Variants in RHOU observed in about 807,000 individuals in gnomAD.
RHOU encodes the protein ras homolog family member U.
In RHOU, 8 loss-of-function variants were observed where a neutral mutation model predicts 12.6. The ratio of observed to expected loss-of-function variants is 0.64; its 90% confidence interval spans 0.37 to 1.15. The LOEUF is 1.15. Among genes scored for constraint, RHOU ranks in the 50% most tolerant of loss-of-function variants. The pLI, the probability that RHOU is intolerant of heterozygous loss-of-function variation, is 0.01. For synonymous variants in RHOU, 161 were observed against 147.4 expected (o/e 1.09, Z -0.67); for missense variants, 258 against 347.0 (o/e 0.74, Z 2.04).
At chr1:228,734,323 G>T (rs1217626573), upstream of RHOU, among the ~76,000 whole-genome samples, 1 of 151,920 alleles carries the variant, frequency 6.6e-6, no homozygotes. Context: ...ATCCATCTCT[G>T]CATTCTGACC....
At chr1:228,726,100 T>C in the RHOU span, among the ~76,000 whole-genome samples, 3 of 152,202 alleles carry the variant, frequency 2.0e-5, no homozygotes, top group Non-Finnish European at 4.4e-5. Flanking sequence ...CCTTATGTTT[T>C]ATTATTTATG....
intron 2 of RHOU, among the ~76,000 whole-genome samples, chr1:228,739,725 A>G (rs1036282947): frequency 2.0e-5 from 3 of 152,236 alleles, no homozygotes; most frequent in African/African-American, 7.2e-5. Context: ...CAGTGCACCT[A>G]CCTGCCCCAG....
chr1:228,728,355 A>G, the RHOU span, among the ~76,000 whole-genome samples: 1 of 152,174 alleles, frequency 6.6e-6, no homozygotes, highest in Non-Finnish European at 1.5e-5. Context: ...ATTGCCATTT[A>G]TCTCTTGTGA....
At chr1:228,736,574 C>T (rs78888744) in intron 1 of RHOU, among the ~76,000 whole-genome samples, 1 of 152,072 alleles carries the variant, frequency 6.6e-6, no homozygotes. Context: ...TTGGATGAAA[C>T]CTGAAGAGTA....
the RHOU span, among the ~76,000 whole-genome samples, chr1:228,688,314 C>T: frequency 7.2e-5 from 11 of 152,154 alleles, no homozygotes; most frequent in Non-Finnish European, 1.5e-5. Context: ...TGAATTTTTT[C>T]TCTGTAGCTG....
chr1:228,707,233 A>ATG, the RHOU span, among the ~76,000 whole-genome samples: 8 of 41,488 alleles, frequency 1.9e-4, no homozygotes, highest in African/African-American at 5.5e-4. Flanking sequence ...ATATATACAT[A>ATG]TGTATATATA....
the RHOU span, among the ~76,000 whole-genome samples, chr1:228,691,241 T>C: frequency 6.6e-6 from 1 of 152,230 alleles, no homozygotes; most frequent in Non-Finnish European, 1.5e-5. Context: ...TCAATAAATC[T>C]ATATTGACAC....
the RHOU span, among the ~76,000 whole-genome samples, chr1:228,664,637 G>C: frequency 1.3e-5 from 2 of 152,048 alleles, no homozygotes; most frequent in African/African-American, 4.8e-5. Context: ...TCATTGCCAA[G>C]ATTGATTGAT....
the RHOU span, among the ~76,000 whole-genome samples, chr1:228,646,925 G>A: frequency 6.6e-6 from 1 of 152,066 alleles, no homozygotes; most frequent in Non-Finnish European, 1.5e-5. Context: ...CCGGAGAGGT[G>A]GAGAGGTAAA....
the RHOU span, among the ~76,000 whole-genome samples, chr1:228,673,989 A>G: frequency 1.2e-4 from 19 of 152,288 alleles, 1 homozygote; most frequent in African/African-American, 4.1e-4. Context: ...GATTGTACCA[A>G]TTTACGCTTC....
chr1:228,647,074 A>G, the RHOU span, among the ~76,000 whole-genome samples: 5 of 152,312 alleles, frequency 3.3e-5, no homozygotes, highest in African/African-American at 1.2e-4. Flanking sequence ...TTTGAGCCTT[A>G]GAGAGGAAGC....
the RHOU span, among the ~76,000 whole-genome samples, chr1:228,694,169 T>G: frequency 1.2e-3 from 186 of 152,356 alleles, 1 homozygote; most frequent in Non-Finnish European, 8.8e-5. Context: ...CTAGGTGACT[T>G]GCACACATTG....
the RHOU span, among the ~76,000 whole-genome samples, chr1:228,718,456 T>C: frequency 6.6e-6 from 1 of 152,158 alleles, no homozygotes; most frequent in Non-Finnish European, 1.5e-5. Context: ...TGGTTCTGAC[T>C]CATGAGACTC....
chr1:228,743,755 C>G lies in RHOU; in HGVS notation c.*15C>G. Reference sequence around the variant, plus strand: ...GTTTCGTATGATGCTGGCAAGACACCCAGAAAGGCTATTTTCAGATGAAAT... The same window carrying G: ...GTTTCGTATGATGCTGGCAAGACACGCAGAAAGGCTATTTTCAGATGAAAT... On this transcript the variant is annotated 3_prime_UTR_variant, in exon 3 of 3. Transcript: ENST00000366691. This position sits in a 1 kb window ranked among gnomAD's most constrained non-coding sequence, Gnocchi z 5.1. The G allele has an allele frequency of 6.3e-7, 1 of 1,590,868 alleles. No individual in the cohort carries two copies. The highest frequency in any genetic ancestry group is 8.6e-7 in the Non-Finnish European group (1 of 1,168,910).
chr1:228,646,921 A>G, the RHOU span, among the ~76,000 whole-genome samples: 21 of 152,068 alleles, frequency 1.4e-4, no homozygotes, highest in Middle Eastern at 3.4e-3. Context: ...GAGACCGGAG[A>G]GGTGGAGAGG....
At position 228,737,368 on chromosome 1, in the gene RHOU, G is replaced by A. The variant is rs1259628445; in HGVS notation, c.263-305G>A. ...GTTGTTTTTAGGTCCTTTGAAACAA[G>A]TGTGACAGGAAAATAAATCTTCCAG... On this transcript the variant is annotated intron_variant, in intron 1 of 2. Coordinates refer to ENST00000366691, the MANE Select transcript of RHOU (RefSeq NM_021205.6). The surrounding 1 kb of genome is among the most constrained non-coding windows in gnomAD (Gnocchi z 4.1). 2.6e-5 allele frequency among the ~76,000 whole-genome samples: 4 copies of A among 152,160 alleles called. No homozygotes were observed. The highest frequency in any genetic ancestry group is 5.9e-5 in the Non-Finnish European group (4 of 68,022).
the RHOU span, among the ~76,000 whole-genome samples, chr1:228,706,721 C>G: frequency 2.6e-5 from 4 of 152,070 alleles, no homozygotes; most frequent in Non-Finnish European, 4.4e-5. Context: ...AATGGGTTTT[C>G]TCTATCATCT....
At chr1:228,668,096 T>C in the RHOU span, among the ~76,000 whole-genome samples, 1 of 152,220 alleles carries the variant, frequency 6.6e-6, no homozygotes, top group Non-Finnish European at 1.5e-5. Flanking sequence ...ACCTATGTAA[T>C]GGAAGCTCCA....
At chr1:228,677,986 G>C in the RHOU span, among the ~76,000 whole-genome samples, 2 of 152,188 alleles carry the variant, frequency 1.3e-5, no homozygotes, top group Non-Finnish European at 2.9e-5. Context: ...CCCATCTAGT[G>C]AAAGTGTCTA....
Sources: gnomAD v4.1 joint callset for allele counts (sites outside exome capture counted in the v4.1 genomes callset) on GRCh38, gnomAD v4.1.1 for gene constraint, Gnocchi (gnomAD v3.1) non-coding constraint, MANE v1.5 for transcripts, NCBI Gene and HGNC (gene_info 2026-07-23, HGNC 2026-07-21) for gene names.